RBFOX1: variants seen among roughly 807,000 people sequenced by gnomAD.
RBFOX1 encodes the protein RNA binding protein fox-1 homolog 1.
A neutral mutation model predicts 57.7 loss-of-function variants in RBFOX1; 8 were observed. The observed-to-expected ratio is 0.14, with a 90% CI of 0.08 to 0.25. The LOEUF is 0.25. Among genes scored for constraint, RBFOX1 ranks in the 10% least tolerant of loss-of-function variants. The pLI, the probability that RBFOX1 is intolerant of heterozygous loss-of-function variation, is 1.00. For missense variants in RBFOX1, 611 were observed against 548.5 expected (o/e 1.11, Z -1.14); for synonymous variants, 326 against 222.4 (o/e 1.47, Z -4.15).
At chr16:6,265,675 A>G (rs1286788932) in intron 1 of RBFOX1, among the ~76,000 whole-genome samples, 2 of 152,110 alleles carry the variant, frequency 1.3e-5, no homozygotes, top group Non-Finnish European at 1.5e-5. Context: ...TCAACCACCA[A>G]ATTAGCTTTG....
intron 4 of RBFOX1, among the ~76,000 whole-genome samples, chr16:7,336,030 C>T (rs1039662336): frequency 2.6e-5 from 4 of 152,260 alleles, no homozygotes; most frequent in Admixed American, 6.5e-5. Flanking sequence ...ATAGAGATCC[C>T]GATGTTGATA....
intron 5 of RBFOX1, among the ~76,000 whole-genome samples, chr16:7,531,288 A>T (rs1038882818): frequency 3.9e-5 from 6 of 152,210 alleles, no homozygotes; most frequent in Non-Finnish European, 8.8e-5. Context: ...AAGTTACAAA[A>T]GAGGAAGCAG....
intron 4 of RBFOX1, among the ~76,000 whole-genome samples, chr16:7,323,065 A>T (rs959258891): frequency 2.0e-5 from 3 of 151,960 alleles, no homozygotes; most frequent in Non-Finnish European, 4.4e-5. Flanking sequence ...GACTGTTGGG[A>T]TGGTTGAGAT....
At chr16:5,950,330 G>A (rs527536867) in intron 4 of RBFOX1, among the ~76,000 whole-genome samples, 5 of 152,262 alleles carry the variant, frequency 3.3e-5, no homozygotes, top group Admixed American at 1.3e-4. Context: ...ATATTGAGAC[G>A]ATGTGAAGAT....
At chr16:6,977,215 T>G (rs2087249844) in intron 3 of RBFOX1, among the ~76,000 whole-genome samples, 1 of 118,814 alleles carries the variant, frequency 8.4e-6, no homozygotes, top group Non-Finnish European at 1.7e-5. Context: ...ATCATATATA[T>G]TATCATATAA....
At chr16:6,890,299 G>T (rs754172369) in intron 3 of RBFOX1, among the ~76,000 whole-genome samples, 20 of 152,074 alleles carry the variant, frequency 1.3e-4, no homozygotes, top group Admixed American at 2.6e-4. Context: ...CAGGTGGATT[G>T]CTTGAGGTCA....
At chr16:6,950,177 C>G (rs1037612337) in intron 3 of RBFOX1, among the ~76,000 whole-genome samples, 1 of 146,328 alleles carries the variant, frequency 6.8e-6, no homozygotes, top group Non-Finnish European at 1.5e-5. Flanking sequence ...AGGCTGGTCT[C>G]AAACTCCTGA....
rs567619681 is a variant in RBFOX1 at position 6,712,976 on chromosome 16, C to T, written c.-16+58326C>T. ...GATGGTTTTATAAAGAGCAGTTCCC[C>T]TGCACATGCTCTCTTGCCTGCCGCC... On this transcript the variant is annotated intron_variant, in intron 3 of 15. Coordinates refer to ENST00000550418, the MANE Select transcript of RBFOX1 (RefSeq NM_018723.4). 1.4e-4 allele frequency among the ~76,000 whole-genome samples: 21 copies of T among 147,836 alleles called. No individual in the cohort carries two copies. The South Asian group carries it at 3.0e-3, about 21-fold the overall frequency.
chr16:6,726,856 TG>T (rs1249237277), intron 3 of RBFOX1, among the ~76,000 whole-genome samples: 2 of 152,036 alleles, frequency 1.3e-5, no homozygotes, highest in African/African-American at 2.4e-5. Context: ...TGGGATGATT[TG>T]GGGGTGGCTT....
chr16:5,432,396 C>A (rs2067767542), intron 1 of RBFOX1, among the ~76,000 whole-genome samples: 1 of 152,192 alleles, frequency 6.6e-6, no homozygotes, highest in South Asian at 2.1e-4. Flanking sequence ...CCGCCGGCCC[C>A]TGTAATTTAA....
chr16:6,178,209 CAG>C (rs2152781821), intron 1 of RBFOX1, among the ~76,000 whole-genome samples: 1 of 102,220 alleles, frequency 9.8e-6, no homozygotes, highest in African/African-American at 3.8e-5. Flanking sequence ...TTTTTGGAGA[CAG>C]AGTGTTGCTC....
chr16:7,039,192 T>G (rs901683266), intron 3 of RBFOX1, among the ~76,000 whole-genome samples: 1 of 152,200 alleles, frequency 6.6e-6, no homozygotes, highest in African/African-American at 2.4e-5. Context: ...AAATTAAATA[T>G]GTTAGAGCTT....
intron 3 of RBFOX1, among the ~76,000 whole-genome samples, chr16:5,727,422 A>G (rs2052192916): frequency 6.6e-6 from 1 of 152,210 alleles, no homozygotes; most frequent in South Asian, 2.1e-4. Context: ...TGATGTACGT[A>G]TATACTGTGA....
At chr16:7,021,966 C>G (rs1220827908) in intron 3 of RBFOX1, among the ~76,000 whole-genome samples, 1 of 89,254 alleles carries the variant, frequency 1.1e-5, no homozygotes, top group Non-Finnish European at 2.2e-5. Context: ...CTCTCTCTCT[C>G]TCCCTCCCCT....
chr16:6,905,228 A>G (rs935043143), intron 3 of RBFOX1, among the ~76,000 whole-genome samples: 1 of 151,936 alleles, frequency 6.6e-6, no homozygotes, highest in Admixed American at 6.6e-5. Flanking sequence ...CTTCCTAGCT[A>G]ACAGTCTCTG....
intron 11 of RBFOX1, among the ~76,000 whole-genome samples, 181 bp from the exon 12 acceptor site, chr16:7,653,634 C>G (rs1343392264): frequency 6.6e-6 from 1 of 152,220 alleles, no homozygotes; most frequent in East Asian, 1.9e-4. Context: ...CTCATCCTCT[C>G]TGGAGTCCCA....
At chr16:5,969,834 A>G (rs1567203987) in intron 4 of RBFOX1, among the ~76,000 whole-genome samples, 3 of 151,408 alleles carry the variant, frequency 2.0e-5, no homozygotes, top group African/African-American at 7.3e-5. Context: ...GCTGACTTCC[A>G]GCAATATCTT....
chr16:5,645,545 T>G (rs2049025939), intron 3 of RBFOX1, among the ~76,000 whole-genome samples: 1 of 152,226 alleles, frequency 6.6e-6, no homozygotes, highest in Non-Finnish European at 1.5e-5. Flanking sequence ...AATTTTCTAT[T>G]TATGTAAATT....
chr16:5,445,621 G>A (rs921684931), intron 1 of RBFOX1, among the ~76,000 whole-genome samples: 6 of 152,318 alleles, frequency 3.9e-5, no homozygotes, highest in Admixed American at 1.3e-4. Flanking sequence ...CATGAGCTAC[G>A]CTATACTCAT....
Sources: allele counts gnomAD v4.1 joint callset (sites outside exome capture counted in the v4.1 genomes callset), GRCh38; gene constraint gnomAD v4.1.1; transcripts MANE v1.5; gene names NCBI Gene and HGNC (gene_info 2026-07-23, HGNC 2026-07-21).